The following DNAH8 variants were observed in gnomAD, a reference collection of about 807,000 sequenced individuals.
The protein encoded by DNAH8 is dynein axonemal heavy chain 8.
In DNAH8, 382 loss-of-function variants were observed where a neutral mutation model predicts 562.1. The observed-to-expected ratio is 0.68, with a 90% CI of 0.63 to 0.74. DNAH8 has a LOEUF of 0.74. Among genes scored for constraint, DNAH8 ranks in the 30% least tolerant of loss-of-function variants. The pLI, the probability that DNAH8 is intolerant of heterozygous loss-of-function variation, is 0.00. For synonymous variants in DNAH8, 1,881 were observed against 1,919.4 expected (o/e 0.98, Z 0.52); for missense variants, 5,203 against 5,620.4 (o/e 0.93, Z 2.37).
chr6:38,736,478 T>C (rs1029519646), intron 5 of DNAH8, among the ~76,000 whole-genome samples: 2 of 152,158 alleles, frequency 1.3e-5, no homozygotes, highest in Non-Finnish European at 2.9e-5. Context: ...ACTGTATGAG[T>C]AGTAATTTTA....
chr6:38,915,436 A>T, intron 68 of DNAH8, 59 bp downstream of exon 68: 1 of 1,313,906 alleles, frequency 7.6e-7, no homozygotes, highest in Non-Finnish European at 9.9e-7. Flanking sequence ...ATGTTTCATT[A>T]CATGAAATTA....
intron 32 of DNAH8, among the ~76,000 whole-genome samples, chr6:38,836,680 T>G (rs941157296): frequency 1.3e-5 from 2 of 152,060 alleles, no homozygotes; most frequent in African/African-American, 4.8e-5. Flanking sequence ...CAAAATGAGA[T>G]GTACTCCAAC....
chr6:39,024,752 G>T (rs1213238400), intron 91 of DNAH8, among the ~76,000 whole-genome samples: 1 of 152,204 alleles, frequency 6.6e-6, no homozygotes, highest in African/African-American at 2.4e-5. Context: ...ACCAGCCATT[G>T]CTACCAGGCA....
At chr6:38,942,725 G>A (rs1218916971) in intron 79 of DNAH8, among the ~76,000 whole-genome samples, 2 of 152,236 alleles carry the variant, frequency 1.3e-5, no homozygotes, top group Admixed American at 6.5e-5. Flanking sequence ...GTAGCTCATA[G>A]GATACAGTAC....
At chr6:38,975,243 C>T (rs1763596641) in intron 85 of DNAH8, among the ~76,000 whole-genome samples, 1 of 152,174 alleles carries the variant, frequency 6.6e-6, no homozygotes, top group South Asian at 2.1e-4. Flanking sequence ...GTGTTTTGTT[C>T]TGCATCTGAA....
intron 21 of DNAH8, among the ~76,000 whole-genome samples, chr6:38,796,506 AG>A (rs1770260735): frequency 6.6e-6 from 1 of 152,274 alleles, no homozygotes; most frequent in Non-Finnish European, 1.5e-5. Context: ...AAAAACTAAA[AG>A]GCAGAAATGA....
chr6:39,014,065 A>G (rs1766408517), intron 91 of DNAH8, among the ~76,000 whole-genome samples: 1 of 152,176 alleles, frequency 6.6e-6, no homozygotes, highest in African/African-American at 2.4e-5. Flanking sequence ...AAAAATATGT[A>G]TTTAATTGTC....
In DNAH8 at chr6:39,012,473, T is replaced by G. The variant is rs376558712; in HGVS notation, c.13550T>G (p.Met4517Arg). Residue 4517 changes from methionine (M) to arginine (R), a missense_variant, in exon 91 of 93, where the codon ATG becomes AGG. Coordinates refer to ENST00000327475, the MANE Select transcript of DNAH8 (RefSeq NM_001206927.2). ...AATCTGAGAGATGCTCTGGACAACA[T>G]GTATGATGCTCGTATACCTCAGCTC... is the stretch of plus-strand genomic sequence containing the variant. ...SENLRDALDNMYDARIPQLWK... is the reference protein window; with the variant it reads ...SENLRDALDNRYDARIPQLWK... 6.2e-7 allele frequency: 1 copy of G among 1,614,080 alleles called. No individual in the cohort carries two copies.
Position 38,834,749 on chromosome 6 carries a change from A to G in DNAH8, c.4365+108A>G, listed in dbSNP as rs986359117. 4.1e-5 allele frequency: 33 copies of G among 806,844 alleles called. 1 individual carries two copies. Among genetic ancestry groups the G allele is most frequent in the South Asian group, 6.8e-5 (4 of 58,808 alleles). The allele number at this position is 806,844 out of a possible 1,614,324, so 50.0% of individuals were successfully genotyped here. On this transcript the variant is annotated intron_variant, in intron 32 of 92. Transcript: ENST00000327475. The stretch of plus-strand genomic sequence containing the variant: ...ATAGAAAAGTTTGTATTTCAAGTAC[A>G]TCAGTCCTTAATTGTATTCTAATCT...
At chr6:38,971,275 G>T (rs954050518) in intron 82 of DNAH8, among the ~76,000 whole-genome samples, 47 of 152,246 alleles carry the variant, frequency 3.1e-4, no homozygotes, top group African/African-American at 1.0e-3. Flanking sequence ...TAGCATTGTA[G>T]TTGCCTCTCC....
Position 38,990,075 on chromosome 6 carries a change from T to A in DNAH8, c.13117T>A (p.Leu4373Ile). The A allele has an allele frequency of 6.3e-7, 1 of 1,599,740 alleles. No homozygotes were observed. Among genetic ancestry groups the A allele is most frequent in the Non-Finnish European group, 8.6e-7 (1 of 1,166,876 alleles). ...CTTTTATACTGGATATAAAATCCCC[T>A]TATGCAAAACCTTAGACCAGTATTT... ...FCFYTGYKIP[L>I]CKTLDQYFEY... Residue 4373 changes from leucine to isoleucine, a missense_variant, in exon 88 of 93, where the codon TTA (leucine) becomes ATA (isoleucine). Transcript: ENST00000327475.
At chr6:38,852,511 C>A (rs1359824056) in intron 39 of DNAH8, among the ~76,000 whole-genome samples, 183 bp from the exon 40 acceptor site, 1 of 152,064 alleles carries the variant, frequency 6.6e-6, no homozygotes, top group African/African-American at 2.4e-5. Context: ...ATTCCTCTGG[C>A]CTTGATTTTA....
rs45461493 is a variant in DNAH8 at position 38,848,773 on chromosome 6, G to C, written c.5171G>C (p.Gly1724Ala). Residue 1724 changes from glycine (G) to alanine (A), a missense_variant, in exon 37 of 93, where the codon GGT becomes GCT. Coordinates refer to ENST00000327475, the MANE Select transcript of DNAH8 (RefSeq NM_001206927.2). ...GTTTATCTTGAAGCCGTCTTTGTAG[G>C]TGGAGATATTGCCAAACAGCTGCCT... ...LWVYLEAVFVGGDIAKQLPQE... is the reference protein window; with the variant it reads ...LWVYLEAVFVAGDIAKQLPQE... The C allele has an allele frequency of 6.2e-7, 1 of 1,613,440 alleles. No homozygotes were observed. Among genetic ancestry groups the C allele is most frequent in the Non-Finnish European group, 8.5e-7 (1 of 1,179,552 alleles).
intron 64 of DNAH8, among the ~76,000 whole-genome samples, chr6:38,908,790 C>T (rs542518381): frequency 2.6e-5 from 4 of 152,214 alleles, no homozygotes; most frequent in East Asian, 1.9e-4. Flanking sequence ...TGAACTCAAG[C>T]GATTCACCTG....
In DNAH8 at chr6:38,842,782, A is replaced by G. The variant is rs1774926616; in HGVS notation, c.4724A>G (p.Lys1575Arg). Reference protein sequence around the residue: ...LLEMMTNKAMKQRHWDRISEL... With the variant: ...LLEMMTNKAMRQRHWDRISEL... ...GAAATGATGACCAATAAGGCCATGA[A>G]ACAGAGACACTGGGATAGAATCTCC... The change falls in exon 35 of 93, where the codon AAA becomes AGA. Residue 1575 changes from lysine to arginine, a missense_variant. Coordinates refer to ENST00000327475, the MANE Select transcript of DNAH8 (RefSeq NM_001206927.2). 1 of 1,613,884 alleles carries G rather than the reference A, an allele frequency of 6.2e-7. No individual in the cohort carries two copies. Among genetic ancestry groups the G allele is most frequent in the African/African-American group, 1.3e-5 (1 of 74,920 alleles).
chr6:39,001,308 TCA>T (rs1765465857), intron 88 of DNAH8, among the ~76,000 whole-genome samples: 1 of 151,990 alleles, frequency 6.6e-6, no homozygotes, highest in Non-Finnish European at 1.5e-5. Flanking sequence ...TTTCCTGCCA[TCA>T]CATAATTCAG....
rs781342164 is a variant in DNAH8 at position 38,853,280 on chromosome 6, C to G, written c.5666C>G (p.Ser1889Cys). 4 of 1,613,084 alleles carry G rather than the reference C, an allele frequency of 2.5e-6. No homozygotes were observed. The South Asian group carries it at 3.3e-5, about 13-fold the overall frequency. ...TCATCATTACATAATATAATTAGAT[C>G]CGCTTTCTATCAAATCAGTGATTCA... Reference protein sequence around the residue: ...QMSSLHNIIRSAFYQISDSGF... With the variant: ...QMSSLHNIIRCAFYQISDSGF... Residue 1889 changes from serine to cysteine, a missense_variant, in exon 41 of 93, where the codon TCC becomes TGC. Transcript: ENST00000327475.
intron 8 of DNAH8, among the ~76,000 whole-genome samples, chr6:38,742,764 G>GA (rs1385831771): frequency 1.3e-5 from 2 of 150,820 alleles, no homozygotes; most frequent in Non-Finnish European, 3.0e-5. Flanking sequence ...AGTAAGCACA[G>GA]AAAGACAACT....
intron 41 of DNAH8, among the ~76,000 whole-genome samples, chr6:38,855,032 C>CAT (rs1776076924): frequency 2.7e-5 from 4 of 147,974 alleles, no homozygotes; most frequent in Non-Finnish European, 4.5e-5. Flanking sequence ...AATATATTCA[C>CAT]ATAAGTATAT....
Sources: gnomAD v4.1 joint callset for allele counts (sites outside exome capture counted in the v4.1 genomes callset) on GRCh38, gnomAD v4.1.1 for gene constraint, MANE v1.5 for transcripts, NCBI Gene and HGNC (gene_info 2026-07-23, HGNC 2026-07-21) for gene names.